Variants in NFIX observed in about 807,000 individuals in gnomAD.
NFIX encodes nuclear factor 1 X-type.
A neutral mutation model predicts 53.3 loss-of-function variants in NFIX; 2 were observed. The observed-to-expected ratio is 0.04, with a 90% CI of 0.02 to 0.12. The LOEUF (loss-of-function observed/expected upper bound fraction) is 0.12, where lower values mean the gene tolerates loss of function less well. Among genes scored for constraint, NFIX ranks in the 10% least tolerant of loss-of-function variants. The probability of loss-of-function intolerance (pLI) is 1.00; values close to 1 mark genes in which losing one functional copy is unlikely to be tolerated. For missense variants in NFIX, 310 were observed against 674.5 expected, an observed-to-expected ratio of 0.46 and a Z score of 5.99; for synonymous variants, 244 against 289.0, an observed-to-expected ratio of 0.84 and a Z score of 1.58.
intron 2 of NFIX, among the ~76,000 whole-genome samples, chr19:13,057,925 C>T (rs1220676841): frequency 6.6e-6 from 1 of 152,142 alleles, no homozygotes; most frequent in Non-Finnish European, 1.5e-5. Flanking sequence ...AGCTTATAAA[C>T]ATCCTTCTCC....
chr19:13,003,500 T>C (rs2011837171), intron 1 of NFIX, among the ~76,000 whole-genome samples: 1 of 151,994 alleles, frequency 6.6e-6, no homozygotes, highest in African/African-American at 2.4e-5. Flanking sequence ...TGAGCACCGA[T>C]ACACCCGCAC....
intron 2 of NFIX, among the ~76,000 whole-genome samples, chr19:13,061,947 G>A (rs1350483425): frequency 6.6e-6 from 1 of 152,084 alleles, no homozygotes; most frequent in Non-Finnish European, 1.5e-5. Flanking sequence ...CCAGGCCCAG[G>A]GCTCTATGCA....
In NFIX at chr19:13,013,562, C is replaced by T. The variant is rs2012494284; in HGVS notation, c.28-11459C>T. ...ACCCTGGACCCAGACGCGGCCCATC[C>T]CAGCAGCACCCCCCGCCCCAAGCTC... On this transcript the variant is annotated intron_variant, in intron 1 of 10. Transcript: ENST00000592199. The surrounding 1 kb of genome is among the most constrained non-coding windows in gnomAD (Gnocchi z 5.9). 6.6e-6 allele frequency: 1 copy of T among 152,174 alleles called. No homozygotes were observed. Among genetic ancestry groups the T allele is most frequent in the African/African-American group, 2.4e-5 (1 of 41,422 alleles). The allele number at this position is 152,174 out of a possible 1,614,324, so 9.4% of individuals were successfully genotyped here. A position where few individuals can be genotyped will look rare whatever the true frequency, so the allele number is the denominator to read the frequency against.
Position 13,081,629 on chromosome 19 carries a change from G to A in NFIX, c.1079-51G>A. The A allele has an allele frequency of 1.3e-6, 2 of 1,580,806 alleles. No individual in the cohort carries two copies. The highest frequency in any genetic ancestry group is 1.1e-5 in the South Asian group (1 of 87,090). ...CCCCTCCTCTCCTGTCCCTCCCACT[G>A]GCTGCCTCCTTGGCCCTGACGCCCT... is the stretch of plus-strand genomic sequence containing the variant. On this transcript the variant is annotated intron_variant, in intron 7 of 10. Transcript: ENST00000592199. The surrounding 1 kb of genome is among the most constrained non-coding windows in gnomAD (Gnocchi z 4.7).
At position 13,009,691 on chromosome 19, in the gene NFIX, C is replaced by G. The variant is rs976581516; in HGVS notation, c.27+13827C>G. On this transcript the variant is annotated intron_variant, in intron 1 of 10. Coordinates refer to ENST00000592199, the MANE Select transcript of NFIX (RefSeq NM_001365902.3). This position sits in a 1 kb window ranked among gnomAD's most constrained non-coding sequence, Gnocchi z 4.7. Reference sequence around the variant, plus strand: ...TGGGAAAACAGGGCCACGCCCTCCCCACCAAATGCTACTTGGCTCCAAGTG... The same window carrying G: ...TGGGAAAACAGGGCCACGCCCTCCCGACCAAATGCTACTTGGCTCCAAGTG... Among the ~76,000 whole-genome samples, 4 of 152,238 alleles carry G rather than the reference C, an allele frequency of 2.6e-5. No homozygotes were observed. The highest frequency in any genetic ancestry group is 9.6e-5 in the African/African-American group (4 of 41,466).
At chr19:13,017,656 G>A (rs1458718870) in intron 1 of NFIX, among the ~76,000 whole-genome samples, 2 of 152,228 alleles carry the variant, frequency 1.3e-5, no homozygotes, top group Non-Finnish European at 2.9e-5. Context: ...CCCCTCCGAA[G>A]GAGGGGATTT....
rs1164341619 is a variant in NFIX, at chr19:13,073,618, ACT to A, written c.697+126_697+127del. On this transcript the variant is annotated intron_variant, in intron 4 of 10. Coordinates refer to ENST00000592199, the MANE Select transcript of NFIX (RefSeq NM_001365902.3). The surrounding 1 kb of genome is among the most constrained non-coding windows in gnomAD (Gnocchi z 4.5). ...GATGGGAACAGATGCTTTCTGGGAC[ACT>A]CTCGGCTTCACTGGTGCTGGGCTGG... is the stretch of plus-strand genomic sequence containing the variant. 4.4e-6 allele frequency: 4 copies of A among 919,106 alleles called. No individual in the cohort carries two copies. Among genetic ancestry groups the A allele is most frequent in the African/African-American group, 3.3e-5 (2 of 61,424 alleles). 56.9% of individuals were successfully genotyped at this position (919,106 alleles called of 1,614,324 possible).
rs145933885 is a variant in NFIX at position 13,089,907 on chromosome 19, G to A, written c.1403-392G>A. 0.028 allele frequency among the ~76,000 whole-genome samples: 4,233 copies of A among 152,304 alleles called. 68 individuals carry two copies. Among genetic ancestry groups the A allele is most frequent in the Middle Eastern group, 0.082 (24 of 294 alleles). ...GGGTTATCCACTGAGGGTACCTGGG[G>A]ACCAGGGCTATCCCCAGCCCTGCCC... On this transcript the variant is annotated intron_variant, in intron 9 of 10. Transcript: ENST00000592199. The surrounding 1 kb of genome is among the most constrained non-coding windows in gnomAD (Gnocchi z 4.8).
intron 2 of NFIX, among the ~76,000 whole-genome samples, chr19:13,069,144 C>T (rs554839398): frequency 6.6e-6 from 1 of 152,268 alleles, no homozygotes; most frequent in South Asian, 2.1e-4. Flanking sequence ...AGCAGCAGCA[C>T]CCACTCTATC....
intron 2 of NFIX, among the ~76,000 whole-genome samples, chr19:13,061,049 G>A (rs1042897422): frequency 6.6e-6 from 1 of 152,038 alleles, no homozygotes; most frequent in Non-Finnish European, 1.5e-5. Flanking sequence ...TCCTGGGTGC[G>A]TTAGGAATAC....
chr19:13,009,271 A>G lies in NFIX; in HGVS notation c.27+13407A>G, dbSNP rs2012199396. ...GCCATAGATTCCTCACAATAAAAATAACAGCTACCGACTCCAGAGCAATTA... is the reference window on the plus strand; with the variant it reads ...GCCATAGATTCCTCACAATAAAAATGACAGCTACCGACTCCAGAGCAATTA... On this transcript the variant is annotated intron_variant, in intron 1 of 10. Coordinates refer to ENST00000592199, the MANE Select transcript of NFIX (RefSeq NM_001365902.3). This position sits in a 1 kb window ranked among gnomAD's most constrained non-coding sequence, Gnocchi z 4.7. Among the ~76,000 whole-genome samples, 1 of 152,194 alleles carries G rather than the reference A, an allele frequency of 6.6e-6. No individual in the cohort carries two copies. Among genetic ancestry groups the G allele is most frequent in the Non-Finnish European group, 1.5e-5 (1 of 68,038 alleles).
At position 13,043,306 on chromosome 19, in the gene NFIX, T is replaced by TG. The variant is rs563735318; in HGVS notation, c.559+17759dup. On this transcript the variant is annotated intron_variant, in intron 2 of 10. Transcript: ENST00000592199. This position sits in a 1 kb window ranked among gnomAD's most constrained non-coding sequence, Gnocchi z 4.0. ...GCACTGCTAGAAGGGGAGGGACCCT[T>TG]GGGGGTCACCGTGGCATGGCAGTTT... Among the ~76,000 whole-genome samples the TG allele has an allele frequency of 4.4e-4, 67 of 152,276 alleles. 1 individual carries two copies. In the East Asian group the frequency reaches 0.012, roughly 26 times the overall value.
rs903453100 is a variant in NFIX, at chr19:12,998,466, G to A, written c.27+2602G>A. Among the ~76,000 whole-genome samples the A allele has an allele frequency of 5.3e-5, 8 of 151,890 alleles. No homozygotes were observed. Among genetic ancestry groups the A allele is most frequent in the Admixed American group, 1.3e-4 (2 of 15,236 alleles). ...TGTGGGCGAGGGGGAAGGGCGGGGG[G>A]AAAAATCTCCTTCTAGAAAAAGCAT... On this transcript the variant is annotated intron_variant, in intron 1 of 10. Coordinates refer to ENST00000592199, the MANE Select transcript of NFIX (RefSeq NM_001365902.3). This position sits in a 1 kb window ranked among gnomAD's most constrained non-coding sequence, Gnocchi z 4.4.
At chr19:13,048,233 C>G (rs2015110231) in intron 2 of NFIX, among the ~76,000 whole-genome samples, 1 of 152,210 alleles carries the variant, frequency 6.6e-6, no homozygotes, top group Non-Finnish European at 1.5e-5. Flanking sequence ...GAACTCTAAA[C>G]TCTTCTTTCC....
In NFIX at chr19:13,006,827, C is replaced by A. The variant is rs917769834; in HGVS notation, c.27+10963C>A. On this transcript the variant is annotated intron_variant, in intron 1 of 10. Transcript: ENST00000592199. This position sits in a 1 kb window ranked among gnomAD's most constrained non-coding sequence, Gnocchi z 5.6. The stretch of plus-strand genomic sequence containing the variant: ...GGGGTCGGCACTGCAGGCTGGCAAC[C>A]ACCGTGCCCAGCCTGGTGGCATTTG... 1.3e-5 allele frequency among the ~76,000 whole-genome samples: 2 copies of A among 152,222 alleles called. No individual in the cohort carries two copies. Among genetic ancestry groups the A allele is most frequent in the South Asian group, 2.1e-4 (1 of 4,836 alleles).
chr19:13,094,607 G>C lies in NFIX; in HGVS notation c.1495-28G>C, dbSNP rs745611976. 19 of 1,535,964 alleles carry C rather than the reference G, an allele frequency of 1.2e-5. 1 individual carries two copies. The highest frequency in any genetic ancestry group is 3.3e-4 in the Middle Eastern group (2 of 5,976). Reference sequence around the variant, plus strand: ...ATGGGACCTGCCCCAGCTGTTCTCAGTATCGCCTCTTTTTCATCCTGTTTC... The same window carrying C: ...ATGGGACCTGCCCCAGCTGTTCTCACTATCGCCTCTTTTTCATCCTGTTTC... On this transcript the variant is annotated intron_variant, in intron 10 of 10. Coordinates refer to ENST00000592199, the MANE Select transcript of NFIX (RefSeq NM_001365902.3). This position sits in a 1 kb window ranked among gnomAD's most constrained non-coding sequence, Gnocchi z 4.3.
intron 2 of NFIX, among the ~76,000 whole-genome samples, chr19:13,031,932 C>A (rs1449507753): frequency 6.6e-6 from 1 of 152,140 alleles, no homozygotes; most frequent in Non-Finnish European, 1.5e-5. Flanking sequence ...AGGTGACTCC[C>A]TCCCCACCCC....
At chr19:13,085,898 T>A (rs2017750595) in intron 8 of NFIX, among the ~76,000 whole-genome samples, 1 of 152,208 alleles carries the variant, frequency 6.6e-6, no homozygotes, top group South Asian at 2.1e-4. Context: ...GAGTGCTGCA[T>A]GCTTCTGCCG....
chr19:13,032,082 G>A (rs780291399), intron 2 of NFIX, among the ~76,000 whole-genome samples: 6 of 152,170 alleles, frequency 3.9e-5, no homozygotes, highest in Non-Finnish European at 5.9e-5. Flanking sequence ...CGCGGTGCTC[G>A]CACAAAAGGC....
Sources: allele counts gnomAD v4.1 joint callset (sites outside exome capture counted in the v4.1 genomes callset), GRCh38; gene constraint gnomAD v4.1.1; non-coding constraint Gnocchi (gnomAD v3.1); transcripts MANE v1.5; gene names NCBI Gene and HGNC (gene_info 2026-07-23, HGNC 2026-07-21).